Variants in PCLO observed in about 807,000 individuals in gnomAD.
PCLO encodes protein piccolo.
Under a neutral mutation model 427.5 loss-of-function variants are expected in PCLO, and 82 were observed. That is an observed-to-expected ratio of 0.19 (90% CI 0.16 to 0.23). The LOEUF is 0.23. Ranked by LOEUF, PCLO falls within the 10% of genes least tolerant of loss-of-function variation. The pLI, the probability that PCLO is intolerant of heterozygous loss-of-function variation, is 1.00. For synonymous variants in PCLO, 2,357 were observed against 2,155.4 expected (o/e 1.09, Z -2.59); for missense variants, 6,239 against 6,115.9 (o/e 1.02, Z -0.67).
intron 9 of PCLO, chr7:82,879,863 C>T (rs917460272): frequency 2.0e-5 from 9 of 452,092 alleles, no homozygotes; most frequent in Admixed American, 2.4e-5. Flanking sequence ...ATTGAGAAGA[C>T]ACAATCCAAT....
chr7:82,811,616 G>A (rs1791573911), intron 20 of PCLO, among the ~76,000 whole-genome samples: 1 of 151,516 alleles, frequency 6.6e-6, no homozygotes, highest in Non-Finnish European at 1.5e-5. Context: ...TCTAGTTTAA[G>A]AAGAGGTACT....
Position 82,951,055 on chromosome 7 carries a change from A to G in PCLO, c.9533T>C (p.Ile3178Thr), listed in dbSNP as rs1174624095. Residue 3178 changes from isoleucine (I) to threonine (T), a missense_variant, in exon 6 of 25, where the codon ATA (isoleucine) becomes ACA (threonine). Coordinates refer to ENST00000333891, the MANE Select transcript of PCLO (RefSeq NM_033026.6). ...ITMESLTAET[I>T]DSVPTLTTAS... is the part of the protein sequence containing the mutation. ...TGTGGTTAAAGTGGGAACAGAGTCT[A>G]TCGTCTCAGCAGTAAGAGACTCCAT... 1.9e-6 allele frequency: 3 copies of G among 1,613,938 alleles called. No individual in the cohort carries two copies. The highest frequency in any genetic ancestry group is 2.5e-6 in the Non-Finnish European group (3 of 1,179,852).
chr7:82,891,246 A>T (rs1439175404), intron 9 of PCLO, among the ~76,000 whole-genome samples: 4 of 152,092 alleles, frequency 2.6e-5, no homozygotes, highest in African/African-American at 4.8e-5. Context: ...GTCTTTTTTA[A>T]AAGCTGTTCT....
chr7:83,155,918 A>G lies in PCLO; in HGVS notation c.723T>C (p.Ser241=). The G allele has an allele frequency of 1.2e-6, 2 of 1,613,766 alleles. No homozygotes were observed. The highest frequency in any genetic ancestry group is 2.2e-5 in the South Asian group (2 of 91,066). Residue 241 remains serine, a synonymous_variant, in exon 2 of 25, where the codon TCT becomes TCC. Coordinates refer to ENST00000333891, the MANE Select transcript of PCLO (RefSeq NM_033026.6). ...QQDGTPKSIS[S]QQPEKIKSQP... is the part of the protein sequence containing the mutation. ...GTGATTTAATTTTTTCTGGTTGTTG[A>G]GAAGATATTGATTTGGGAGTGCCAT...
intron 22 of PCLO, among the ~76,000 whole-genome samples, chr7:82,791,809 T>C (rs991610151): frequency 3.3e-5 from 5 of 152,098 alleles, no homozygotes; most frequent in Admixed American, 2.6e-4. Context: ...GAAAATTATG[T>C]AAACTTCCAG....
chr7:82,892,236 T>A (rs1431652856), intron 9 of PCLO, among the ~76,000 whole-genome samples: 1 of 152,002 alleles, frequency 6.6e-6, no homozygotes, highest in Non-Finnish European at 1.5e-5. Context: ...GAGATATAGA[T>A]CAATGTAACA....
chr7:82,959,148 C>T (rs1795599569), intron 4 of PCLO, among the ~76,000 whole-genome samples: 1 of 152,134 alleles, frequency 6.6e-6, no homozygotes, highest in African/African-American at 2.4e-5. Flanking sequence ...CTCACTGCCA[C>T]CTCCGCCTCC....
At chr7:83,122,783 A>G (rs933626433) in intron 3 of PCLO, among the ~76,000 whole-genome samples, 15 of 152,246 alleles carry the variant, frequency 9.9e-5, no homozygotes, top group African/African-American at 3.4e-4. Flanking sequence ...TGACAATGTC[A>G]GTAAATTTGT....
intron 7 of PCLO, 41 bp from the exon 8 acceptor site, chr7:82,909,054 T>C (rs1418071612): frequency 1.2e-6 from 2 of 1,603,942 alleles, no homozygotes; most frequent in Admixed American, 1.7e-5. Flanking sequence ...CAACGGCAAG[T>C]AATACAGATG....
At chr7:82,818,952 T>A (rs556460066) in intron 20 of PCLO, among the ~76,000 whole-genome samples, 2 of 152,214 alleles carry the variant, frequency 1.3e-5, no homozygotes, top group Non-Finnish European at 2.9e-5. Flanking sequence ...TTATGATTAT[T>A]ACTAATACTT....
chr7:82,993,504 C>A (rs1054779125), intron 3 of PCLO, among the ~76,000 whole-genome samples: 10 of 152,052 alleles, frequency 6.6e-5, no homozygotes, highest in Admixed American at 5.3e-4. Context: ...ATTATTTAAT[C>A]ATTCTAACTT....
intron 3 of PCLO, among the ~76,000 whole-genome samples, chr7:83,109,269 T>A (rs976614540): frequency 1.6e-4 from 24 of 152,168 alleles, no homozygotes; most frequent in South Asian, 4.1e-4. Flanking sequence ...CTACAACCTG[T>A]CCCTCTAGTG....
At chr7:82,938,037 C>T (rs557612242) in intron 6 of PCLO, among the ~76,000 whole-genome samples, 1 of 151,904 alleles carries the variant, frequency 6.6e-6, no homozygotes, top group African/African-American at 2.4e-5. Flanking sequence ...ATTTGGATGA[C>T]AAAGTCAATA....
chr7:83,032,738 T>C (rs1487249344), intron 3 of PCLO, among the ~76,000 whole-genome samples: 3 of 152,164 alleles, frequency 2.0e-5, no homozygotes, highest in African/African-American at 7.2e-5. Flanking sequence ...GCATTATTTT[T>C]GACTACTCTC....
rs567755081 is a variant in PCLO at position 83,134,538 on chromosome 7, T to C, written c.3012A>G (p.Ala1004=). ...CAGCTTTGGGCTCTAATTTTTCAGC[T>C]GCTGGGGCTTTTGTTTCCTTTTTCA... ...IPVKKETKAP[A]AEKLEPKAEQ... is the part of the protein sequence containing the mutation. The change falls in exon 3 of 25, where the codon GCA becomes GCG. Residue 1004 remains alanine, a synonymous_variant. Coordinates refer to ENST00000333891, the MANE Select transcript of PCLO (RefSeq NM_033026.6). 1 of 1,613,982 alleles carries C rather than the reference T, an allele frequency of 6.2e-7. No individual in the cohort carries two copies. The highest frequency in any genetic ancestry group is 8.5e-7 in the Non-Finnish European group (1 of 1,179,888).
Position 83,134,622 on chromosome 7 carries a change from T to A in PCLO, c.2928A>T (p.Ser976=). The change falls in exon 3 of 25, where the codon TCA becomes TCT. Residue 976 remains serine (S), a synonymous_variant. Coordinates refer to ENST00000333891, the MANE Select transcript of PCLO (RefSeq NM_033026.6). The part of the protein sequence containing the change: ...QAPAPSQPPT[S]QGPPKSTGQA... ...GACCTGTGGATTTGGGTGGCCCTTG[T>A]GAAGTAGGTGGCTGTGAAGGGGCAG... The A allele has an allele frequency of 6.2e-7, 1 of 1,613,876 alleles. No homozygotes were observed. Among genetic ancestry groups the A allele is most frequent in the Non-Finnish European group, 8.5e-7 (1 of 1,179,870 alleles).
chr7:82,841,854 T>C (rs1386808419), intron 13 of PCLO, among the ~76,000 whole-genome samples: 2 of 152,064 alleles, frequency 1.3e-5, no homozygotes, highest in Non-Finnish European at 2.9e-5. Context: ...ATGTTTAAAA[T>C]ACATTCAACA....
intron 20 of PCLO, chr7:82,821,288 T>C: frequency 1.0e-6 from 1 of 986,400 alleles, no homozygotes; most frequent in Non-Finnish European, 1.2e-6. Context: ...ACCGCTTTTA[T>C]GTGCTGCTGT....
At chr7:83,064,304 A>G (rs767423265) in intron 3 of PCLO, among the ~76,000 whole-genome samples, 4 of 152,092 alleles carry the variant, frequency 2.6e-5, no homozygotes, top group Non-Finnish European at 4.4e-5. Flanking sequence ...ATATGGAAAC[A>G]GGTCATATAC....
Sources: allele counts gnomAD v4.1 joint callset (sites outside exome capture counted in the v4.1 genomes callset), GRCh38; gene constraint gnomAD v4.1.1; transcripts MANE v1.5; gene names NCBI Gene and HGNC (gene_info 2026-07-23, HGNC 2026-07-21).